Variants in ZYG11B observed in about 807,000 individuals in gnomAD.
ZYG11B encodes protein zyg-11 homolog B.
Under a neutral mutation model 82.4 loss-of-function variants are expected in ZYG11B, and 36 were observed. The ratio of observed to expected loss-of-function variants is 0.44; its 90% CI spans 0.33 to 0.58. The LOEUF (loss-of-function observed/expected upper bound fraction) is 0.58. Ranked by LOEUF, ZYG11B falls within the 20% of genes least tolerant of loss-of-function variation. The probability of loss-of-function intolerance (pLI) is 0.02; values close to 1 mark genes in which losing one functional copy is unlikely to be tolerated. For synonymous variants in ZYG11B, 303 were observed against 312.8 expected, an observed-to-expected ratio of 0.97 and a Z score of 0.33; for missense variants, 552 against 895.6, an observed-to-expected ratio of 0.62 and a Z score of 4.90.
At chr1:52,766,779 C>A (rs556651727) in intron 2 of ZYG11B, among the ~76,000 whole-genome samples, 2 of 152,070 alleles carry the variant, frequency 1.3e-5, no homozygotes, top group Non-Finnish European at 2.9e-5. Flanking sequence ...GAGGCCGAGG[C>A]GGGCGGATCA....
At chr1:52,727,578 T>A (rs904948711) in intron 1 of ZYG11B, among the ~76,000 whole-genome samples, 1 of 152,160 alleles carries the variant, frequency 6.6e-6, no homozygotes, top group African/African-American at 2.4e-5. Flanking sequence ...AGCTTGGCTA[T>A]TATTACTAAA....
intron 5 of ZYG11B, among the ~76,000 whole-genome samples, chr1:52,787,465 A>G (rs991435518): frequency 4.6e-5 from 7 of 152,186 alleles, no homozygotes; most frequent in Non-Finnish European, 8.8e-5. Flanking sequence ...AGGGGGCCAA[A>G]TGGGGCTTGC....
intron 2 of ZYG11B, among the ~76,000 whole-genome samples, chr1:52,768,334 G>C (rs148194706): frequency 1.0e-3 from 159 of 152,226 alleles, no homozygotes; most frequent in African/African-American, 3.3e-3. Flanking sequence ...TGGGTCCCAA[G>C]GTCCCCCCTA....
intron 2 of ZYG11B, among the ~76,000 whole-genome samples, chr1:52,760,415 G>T (rs1364327051): frequency 6.6e-6 from 1 of 151,988 alleles, no homozygotes; most frequent in Admixed American, 6.6e-5. Flanking sequence ...TTGTACTCCA[G>T]CCTGGGCGAC....
At chr1:52,733,669 A>G (rs982394836) in intron 1 of ZYG11B, among the ~76,000 whole-genome samples, 10 of 152,164 alleles carry the variant, frequency 6.6e-5, no homozygotes, top group Non-Finnish European at 1.5e-4. Context: ...AGATCAATCA[A>G]TCAATCAATC....
Position 52,730,233 on chromosome 1 carries a change from CTG to C in ZYG11B, c.30+3554_30+3555del, listed in dbSNP as rs535366357. Among the ~76,000 whole-genome samples the C allele has an allele frequency of 5.8e-3, 876 of 152,292 alleles. 4 individuals carry two copies. Among genetic ancestry groups the C allele is most frequent in the African/African-American group, 0.02 (824 of 41,576 alleles). On this transcript the variant is annotated intron_variant, in intron 1 of 13. Coordinates refer to ENST00000294353, the MANE Select transcript of ZYG11B (RefSeq NM_024646.3). The stretch of plus-strand genomic sequence containing the variant: ...AATAATGTTTTTGGAGTGTCTTTGA[CTG>C]TGTTGACACTGGGGAAATGACAGAT...
intron 6 of ZYG11B, among the ~76,000 whole-genome samples, chr1:52,792,503 T>A (rs1324951202): frequency 6.6e-6 from 1 of 152,190 alleles, no homozygotes; most frequent in Admixed American, 6.5e-5. Context: ...ACTCTTATGA[T>A]CTTCATTTTA....
rs534172479 is a variant in ZYG11B at position 52,826,867 on chromosome 1, C to T, written c.*5238C>T. Reference sequence around the variant, plus strand: ...TGGGAAAAACTGTTCAAATTGGGTCCTTTTAAGCTTATTTTAAGCAGCCTA... The same window carrying T: ...TGGGAAAAACTGTTCAAATTGGGTCTTTTTAAGCTTATTTTAAGCAGCCTA... On this transcript the variant is annotated 3_prime_UTR_variant, in exon 14 of 14. Transcript: ENST00000294353. The T allele has an allele frequency of 4.6e-5, 7 of 152,136 alleles. No individual in the cohort carries two copies. In the East Asian group the frequency reaches 1.3e-3, roughly 29 times the overall value. 9.4% of individuals were successfully genotyped at this position (152,136 alleles called of 1,614,324 possible).
chr1:52,742,850 A>G (rs902578601), intron 1 of ZYG11B, among the ~76,000 whole-genome samples: 4 of 151,566 alleles, frequency 2.6e-5, no homozygotes, highest in Non-Finnish European at 1.5e-5. Context: ...TCAAAAAAAA[A>G]AAAAAAGAGT....
At chr1:52,806,555 C>T (rs933408644) in intron 10 of ZYG11B, among the ~76,000 whole-genome samples, 6 of 152,020 alleles carry the variant, frequency 3.9e-5, no homozygotes, top group Middle Eastern at 3.4e-3. Context: ...ACTCTTTTAC[C>T]GTTACCAAAT....
intron 1 of ZYG11B, among the ~76,000 whole-genome samples, chr1:52,742,965 C>T (rs1204039799): frequency 4.6e-5 from 7 of 151,698 alleles, no homozygotes; most frequent in Non-Finnish European, 1.0e-4. Context: ...GCCAGCCGCC[C>T]CGTCCGGGAG....
chr1:52,729,031 C>T (rs1430897753), intron 1 of ZYG11B, among the ~76,000 whole-genome samples: 1 of 152,170 alleles, frequency 6.6e-6, no homozygotes, highest in Non-Finnish European at 1.5e-5. Context: ...ATACCATAAA[C>T]TAGGTAGCTT....
intron 1 of ZYG11B, among the ~76,000 whole-genome samples, chr1:52,742,328 T>G (rs1169440810): frequency 6.6e-6 from 1 of 152,058 alleles, no homozygotes; most frequent in East Asian, 1.9e-4. Flanking sequence ...GACACGTGCC[T>G]GTAGTCCCAG....
At chr1:52,803,890 C>G (rs1225891033) in intron 10 of ZYG11B, among the ~76,000 whole-genome samples, 2 of 152,152 alleles carry the variant, frequency 1.3e-5, no homozygotes, top group Non-Finnish European at 2.9e-5. Context: ...CAGGCATGAG[C>G]CACCACACTT....
intron 13 of ZYG11B, among the ~76,000 whole-genome samples, chr1:52,819,412 T>C (rs935077345): frequency 3.3e-5 from 5 of 152,162 alleles, no homozygotes; most frequent in African/African-American, 1.2e-4. Flanking sequence ...CAGTCTCTAA[T>C]CTATAGGTTC....
At chr1:52,796,535 T>G in intron 7 of ZYG11B, 144 bp downstream of exon 7, 6 of 932,894 alleles carry the variant, frequency 6.4e-6, no homozygotes, top group Non-Finnish European at 9.7e-6. Context: ...TATTGCAGAA[T>G]TTGGCTGGGC....
At chr1:52,810,550 G>A (rs1645173955) in intron 10 of ZYG11B, among the ~76,000 whole-genome samples, 1 of 152,112 alleles carries the variant, frequency 6.6e-6, no homozygotes, top group South Asian at 2.1e-4. Context: ...AACTTTAAAG[G>A]CAATAGCTCA....
intron 3 of ZYG11B, among the ~76,000 whole-genome samples, chr1:52,774,717 T>C (rs1644789845): frequency 6.7e-6 from 1 of 150,074 alleles, no homozygotes; most frequent in Admixed American, 6.7e-5. Flanking sequence ...TGTAAGCCCC[T>C]GAGCCTAGCC....
At chr1:52,801,720 G>A (rs1054660484) in intron 8 of ZYG11B, 99 bp from the exon 9 acceptor site, 1 of 968,256 alleles carries the variant, frequency 1.0e-6, no homozygotes, top group East Asian at 2.6e-5. Context: ...AATGCTTTAA[G>A]CCATGAGACT....
Sources: gnomAD v4.1 joint callset for allele counts (sites outside exome capture counted in the v4.1 genomes callset) on GRCh38, gnomAD v4.1.1 for gene constraint, MANE v1.5 for transcripts, NCBI Gene and HGNC (gene_info 2026-07-23, HGNC 2026-07-21) for gene names.